COQ5: variants seen among roughly 807,000 people sequenced by gnomAD.
COQ5 encodes 2-methoxy-6-polyprenyl-1,4-benzoquinol methylase, mitochondrial.
COQ5 carries 27 observed loss-of-function variants against 40.5 expected under a neutral mutation model. The observed-to-expected ratio is 0.67, with a 90% CI of 0.49 to 0.92. The LOEUF is 0.92. Ranked by LOEUF, COQ5 falls within the 40% of genes least tolerant of loss-of-function variation. COQ5 has a pLI of 0.00. For missense variants in COQ5, 409 were observed against 406.4 expected (o/e 1.01, Z -0.06); for synonymous variants, 141 against 150.0 (o/e 0.94, Z 0.44).
intron 3 of COQ5, among the ~76,000 whole-genome samples, chr12:120,513,020 G>T (rs902002927): frequency 6.7e-6 from 1 of 150,026 alleles, no homozygotes; most frequent in East Asian, 2.0e-4. Context: ...GGCTATTCTC[G>T]AACTCCTGAC....
intron 2 of COQ5, among the ~76,000 whole-genome samples, chr12:120,519,426 G>C (rs925099835): frequency 6.6e-6 from 1 of 152,142 alleles, no homozygotes; most frequent in Non-Finnish European, 1.5e-5. Context: ...CAGGCATGAT[G>C]ATGGGCGCCT....
intron 5 of COQ5, 64 bp from the exon 6 acceptor site, chr12:120,504,145 G>C: frequency 9.9e-7 from 1 of 1,010,190 alleles, no homozygotes; most frequent in South Asian, 1.3e-5. Context: ...CCCTAGATAA[G>C]AAGAAAGAAG....
intron 2 of COQ5, among the ~76,000 whole-genome samples, chr12:120,519,617 T>TA (rs1379336802): frequency 4.6e-5 from 7 of 151,774 alleles, no homozygotes; most frequent in Non-Finnish European, 1.0e-4. Context: ...ATGCCTATAA[T>TA]CCCAGCACTT....
intron 1 of COQ5, chr12:120,522,591 G>A (rs1380143579): frequency 1.9e-5 from 12 of 640,926 alleles, no homozygotes; most frequent in African/African-American, 3.6e-5. Flanking sequence ...GAGGACCCCA[G>A]CCCCATGCAG....
At chr12:120,507,133 A>C (rs1315011592) in intron 4 of COQ5, among the ~76,000 whole-genome samples, 1 of 151,842 alleles carries the variant, frequency 6.6e-6, no homozygotes, top group African/African-American at 2.4e-5. Flanking sequence ...TGTGCCCAGC[A>C]CATTCTATTT....
At chr12:120,522,016 G>A (rs1288072824) in intron 2 of COQ5, among the ~76,000 whole-genome samples, 198 bp downstream of exon 2, 1 of 151,842 alleles carries the variant, frequency 6.6e-6, no homozygotes, top group Non-Finnish European at 1.5e-5. Flanking sequence ...AAAAGTGACA[G>A]GCACAAAACT....
chr12:120,504,255 C>T (rs559366378), intron 5 of COQ5, among the ~76,000 whole-genome samples, 174 bp from the exon 6 acceptor site: 2 of 152,078 alleles, frequency 1.3e-5, no homozygotes, highest in East Asian at 3.9e-4. Context: ...CTGACAGGTA[C>T]AGTTAGGAAG....
Position 120,528,986 on chromosome 12 carries a change from C to T in COQ5, c.156G>A (p.Thr52=), listed in dbSNP as rs763690638. The T allele has an allele frequency of 6.2e-7, 1 of 1,614,130 alleles. No individual in the cohort carries two copies. The highest frequency in any genetic ancestry group is 8.5e-7 in the Non-Finnish European group (1 of 1,180,014). ...LLSQEKRAAE[T]HFGFETVSEE... ...CCGACACAGTCTCAAACCCAAAGTG[C>T]GTTTCCGCTGCCCGCTTCTCTTGGG... The change falls in exon 1 of 7, where the codon ACG becomes ACA. Residue 52 remains threonine (T), a synonymous_variant. Transcript: ENST00000288532.
chr12:120,515,211 C>T (rs1421997283), intron 3 of COQ5, among the ~76,000 whole-genome samples: 1 of 152,176 alleles, frequency 6.6e-6, no homozygotes, highest in African/African-American at 2.4e-5. Context: ...CCTGCTTCAG[C>T]CTCCCAAGTA....
chr12:120,528,864 A>G (rs545175037), intron 1 of COQ5, 76 bp downstream of exon 1: 4 of 1,367,128 alleles, frequency 2.9e-6, no homozygotes, highest in Non-Finnish European at 4.2e-6. Flanking sequence ...TGGATGTTAA[A>G]TCAACCCTAA....
At chr12:120,521,006 C>T (rs1242023999) in intron 2 of COQ5, among the ~76,000 whole-genome samples, 1 of 150,228 alleles carries the variant, frequency 6.7e-6, no homozygotes, top group African/African-American at 2.5e-5. Flanking sequence ...ATAAAACAGT[C>T]ATTTAGATGG....
chr12:120,523,954 G>C, intron 1 of COQ5: 1 of 415,918 alleles, frequency 2.4e-6, no homozygotes, highest in Non-Finnish European at 4.9e-6. Flanking sequence ...AGGTTGCAGT[G>C]AGCTGAAATT....
intron 3 of COQ5, 146 bp from the exon 4 acceptor site, chr12:120,510,269 T>C: frequency 2.9e-6 from 2 of 696,862 alleles, no homozygotes; most frequent in South Asian, 1.5e-5. Context: ...CTTCACCATA[T>C]TCCTTATATA....
chr12:120,514,748 C>A (rs577951566), intron 3 of COQ5, among the ~76,000 whole-genome samples: 26 of 141,758 alleles, frequency 1.8e-4, no homozygotes, highest in African/African-American at 7.4e-4. Context: ...GTCTCAGAAA[C>A]AACAACAACA....
intron 1 of COQ5, chr12:120,522,889 T>A (rs1487024379): frequency 5.5e-6 from 4 of 721,264 alleles, no homozygotes; most frequent in Non-Finnish European, 1.0e-5. Flanking sequence ...TCCTTGGGCT[T>A]TACAAGGGCC....
At chr12:120,511,320 T>C (rs1400610570) in intron 3 of COQ5, among the ~76,000 whole-genome samples, 1 of 151,832 alleles carries the variant, frequency 6.6e-6, no homozygotes, top group Non-Finnish European at 1.5e-5. Flanking sequence ...GGAAAGGACA[T>C]TGACATCATC....
At chr12:120,508,802 G>A (rs1218747103) in intron 4 of COQ5, among the ~76,000 whole-genome samples, 1 of 151,988 alleles carries the variant, frequency 6.6e-6, no homozygotes, top group Non-Finnish European at 1.5e-5. Context: ...AAGGCGGGAG[G>A]ATCATGAGGT....
intron 4 of COQ5, chr12:120,509,769 A>C: frequency 8.6e-6 from 4 of 466,558 alleles, no homozygotes; most frequent in Non-Finnish European, 1.2e-5. Flanking sequence ...AAAAAAATCT[A>C]TCTATCTCTC....
At chr12:120,523,780 G>A (rs544126809) in intron 1 of COQ5, 31 of 241,484 alleles carry the variant, frequency 1.3e-4, no homozygotes, top group African/African-American at 5.2e-4. Flanking sequence ...GAGTCCAAGG[G>A]GGGTGGTTCA....
Sources: gnomAD v4.1 joint callset for allele counts (sites outside exome capture counted in the v4.1 genomes callset) on GRCh38, gnomAD v4.1.1 for gene constraint, MANE v1.5 for transcripts, NCBI Gene and HGNC (gene_info 2026-07-23, HGNC 2026-07-21) for gene names.